Variants in CEMIP observed in about 807,000 individuals in gnomAD.
CEMIP encodes the protein cell migration inducing hyaluronidase 1, also known as cell migration-inducing and hyaluronan-binding protein.
Under a neutral mutation model 156.9 loss-of-function variants are expected in CEMIP, and 105 were observed. That is an observed-to-expected ratio of 0.67 (90% CI 0.57 to 0.79). The LOEUF is 0.79. Ranked by LOEUF, CEMIP falls within the 30% of genes least tolerant of loss-of-function variation. The pLI is 0.00. For missense variants in CEMIP, 1,457 were observed against 1,769.4 expected (o/e 0.82, Z 3.17); for synonymous variants, 676 against 668.4 (o/e 1.01, Z -0.17).
rs1450215056 is a variant in CEMIP, at chr15:80,932,928, C to A, written c.2794-317C>A. Among the ~76,000 whole-genome samples the A allele has an allele frequency of 6.6e-6, 1 of 152,196 alleles. No individual in the cohort carries two copies. The highest frequency in any genetic ancestry group is 6.5e-5 in the Admixed American group (1 of 15,288). ...CACAGTCACACTCACAGTCCTCAGT[C>A]CCCCTCCTCCATCTCTGCAGTTGGT... On this transcript the variant is annotated intron_variant, in intron 22 of 29. Transcript: ENST00000394685. The surrounding 1 kb of genome is among the most constrained non-coding windows in gnomAD (Gnocchi z 4.5).
At chr15:80,784,840 G>T (rs73486538) in intron 1 of CEMIP, among the ~76,000 whole-genome samples, 1 of 152,138 alleles carries the variant, frequency 6.6e-6, no homozygotes, top group African/African-American at 2.4e-5. Flanking sequence ...CCTTCAAGTC[G>T]TGGGGGCCTA....
intron 1 of CEMIP, among the ~76,000 whole-genome samples, chr15:80,872,118 A>G (rs1415046581): frequency 6.6e-6 from 1 of 152,184 alleles, no homozygotes; most frequent in Non-Finnish European, 1.5e-5. Context: ...AACTCGCACA[A>G]AGAGCTTCAC....
chr15:80,897,300 A>G (rs906411921), intron 12 of CEMIP: 2 of 455,944 alleles, frequency 4.4e-6, no homozygotes, highest in African/African-American at 2.0e-5. Flanking sequence ...AAAATTCAAC[A>G]CAATCTTTTT....
At chr15:80,919,965 CAT>C (rs763004695) in intron 14 of CEMIP, 127 bp from the exon 15 acceptor site, 11 of 868,254 alleles carry the variant, frequency 1.3e-5, no homozygotes, top group Non-Finnish European at 1.9e-5. Flanking sequence ...TGAATGAGCA[CAT>C]GAGACTATTT....
At chr15:80,786,386 T>C (rs979104173) in intron 1 of CEMIP, among the ~76,000 whole-genome samples, 1 of 152,084 alleles carries the variant, frequency 6.6e-6, no homozygotes, top group Non-Finnish European at 1.5e-5. Context: ...AGCTAATTTT[T>C]TGGACTAATT....
At chr15:80,875,552 C>T (rs1422602934) in intron 3 of CEMIP, among the ~76,000 whole-genome samples, 1 of 152,168 alleles carries the variant, frequency 6.6e-6, no homozygotes, top group Admixed American at 6.5e-5. Context: ...TTCCCGCATC[C>T]TGGCACCTCT....
intron 5 of CEMIP, among the ~76,000 whole-genome samples, chr15:80,880,611 T>C (rs999186509): frequency 2.6e-5 from 4 of 152,212 alleles, no homozygotes; most frequent in Admixed American, 1.3e-4. Context: ...GATTCTTGTA[T>C]CTTTAGTAGA....
At chr15:80,899,848 C>G (rs1407086047) in intron 12 of CEMIP, among the ~76,000 whole-genome samples, 4 of 152,194 alleles carry the variant, frequency 2.6e-5, no homozygotes, top group African/African-American at 9.7e-5. Flanking sequence ...ATGTGTCACC[C>G]AGGGACAATT....
intron 10 of CEMIP, among the ~76,000 whole-genome samples, chr15:80,894,564 G>A (rs1474640832): frequency 1.3e-5 from 2 of 152,174 alleles, no homozygotes; most frequent in Admixed American, 6.5e-5. Flanking sequence ...CTGGGCATGA[G>A]TATTTTTTAA....
intron 17 of CEMIP, among the ~76,000 whole-genome samples, chr15:80,924,335 A>G (rs1009905408): frequency 1.3e-5 from 2 of 152,198 alleles, no homozygotes; most frequent in Non-Finnish European, 2.9e-5. Context: ...GGGTCTGCAC[A>G]TGGACTTTGC....
chr15:80,925,328 T>C (rs1252748507), intron 18 of CEMIP, among the ~76,000 whole-genome samples: 1 of 152,234 alleles, frequency 6.6e-6, no homozygotes, highest in African/African-American at 2.4e-5. Flanking sequence ...ACGAGGACTG[T>C]GTTGCATGAC....
intron 12 of CEMIP, chr15:80,901,059 C>A: frequency 2.3e-6 from 1 of 437,158 alleles, no homozygotes; most frequent in Middle Eastern, 3.3e-4. Context: ...GTATGATTAC[C>A]AACACCTCAC....
At chr15:80,880,860 G>T (rs1383024106) in intron 5 of CEMIP, 40 bp from the exon 6 acceptor site, 1 of 1,543,032 alleles carries the variant, frequency 6.5e-7, no homozygotes, top group South Asian at 1.1e-5. Context: ...CCAGTAAAGA[G>T]ATGTGTCAGC....
rs1567081121 is a variant in CEMIP, at chr15:80,881,121, T to TC, written c.603dup (p.Ile202HisfsTer4). ...GTCATCGACCCCAAATCAGGCACAG[T>TC]CATCCATTCTGACCGGTAAGGTTTG... On this transcript the variant is annotated frameshift_variant, in exon 6 of 30. Transcript: ENST00000394685. LOFTEE classifies it high-confidence loss of function. 1.2e-6 allele frequency: 2 copies of TC among 1,613,924 alleles called. No individual in the cohort carries two copies. Among genetic ancestry groups the TC allele is most frequent in the Admixed American group, 1.7e-5 (1 of 60,010 alleles).
At chr15:80,842,889 C>A (rs985304148) in intron 1 of CEMIP, among the ~76,000 whole-genome samples, 7 of 152,156 alleles carry the variant, frequency 4.6e-5, no homozygotes, top group African/African-American at 1.2e-4. Context: ...TGTAGAGGGA[C>A]CTTCCAGGAG....
At chr15:80,909,056 C>A (rs1187137553) in intron 13 of CEMIP, 41 bp from the exon 14 acceptor site, 1 of 1,589,618 alleles carries the variant, frequency 6.3e-7, no homozygotes, top group Non-Finnish European at 8.6e-7. Context: ...AATCACAAAG[C>A]ATCTCATGGG....
intron 25 of CEMIP, chr15:80,938,272 G>A: frequency 2.6e-6 from 1 of 384,486 alleles, no homozygotes; most frequent in Middle Eastern, 8.4e-4. Flanking sequence ...AGAAAACATG[G>A]TACATTATCT....
intron 1 of CEMIP, among the ~76,000 whole-genome samples, chr15:80,854,494 T>G (rs1311671532): frequency 1.3e-5 from 2 of 152,264 alleles, no homozygotes; most frequent in Admixed American, 1.3e-4. Flanking sequence ...GTGTCCTGAC[T>G]TCTCAGGGCA....
intron 1 of CEMIP, among the ~76,000 whole-genome samples, chr15:80,864,709 G>A (rs1490947894): frequency 1.3e-5 from 2 of 152,208 alleles, no homozygotes; most frequent in East Asian, 3.8e-4. Context: ...TTGTGATAAA[G>A]CCTGATACAT....
Sources: gnomAD v4.1 joint callset for allele counts (sites outside exome capture counted in the v4.1 genomes callset) on GRCh38, gnomAD v4.1.1 for gene constraint, Gnocchi (gnomAD v3.1) non-coding constraint, MANE v1.5 for transcripts, NCBI Gene and HGNC (gene_info 2026-07-23, HGNC 2026-07-21) for gene names.